The following ZNF418 variants were observed in gnomAD, a reference collection of about 807,000 sequenced individuals.
The protein encoded by ZNF418 is zinc finger protein 418.
ZNF418 carries 32 observed loss-of-function variants against 32.0 expected under a neutral mutation model. The observed-to-expected ratio is 1.00, with a 90% CI of 0.75 to 1.34. ZNF418 has a LOEUF of 1.34. ZNF418 is among the 40% of genes most tolerant of loss of function. The pLI is 0.00. For missense variants in ZNF418, 804 were observed against 812.5 expected, an observed-to-expected ratio of 0.99 and a Z score of 0.13; for synonymous variants, 276 against 270.7, an observed-to-expected ratio of 1.02 and a Z score of -0.19.
In ZNF418 at chr19:57,933,816, C is replaced by A; in HGVS notation, c.6+1G>T. The A allele has an allele frequency of 6.2e-7, 1 of 1,614,158 alleles. No individual in the cohort carries two copies. The highest frequency in any genetic ancestry group is 2.2e-5 in the East Asian group (1 of 44,882). ...CATTAATATGGTCCAGTAACCCTCA[C>A]CTGCATTATGGCAGGAGTTTAAACT... On this transcript the variant is annotated splice_donor_variant, in intron 2 of 5. Coordinates refer to ENST00000396147, the MANE Select transcript of ZNF418 (RefSeq NM_133460.3). LOFTEE classifies it high-confidence loss of function.
At position 57,926,554 on chromosome 19, in the gene ZNF418, A is replaced by G. The variant is rs1392034803; in HGVS notation, c.1627T>C (p.Cys543Arg). The change falls in exon 4 of 6, where the codon TGT (cysteine) becomes CGT (arginine). Residue 543 changes from cysteine (C) to arginine (R), a missense_variant. Coordinates refer to ENST00000396147, the MANE Select transcript of ZNF418 (RefSeq NM_133460.3). ...GAGCTCTGATGAAATGACTTTCCACATTCTCCACATTCATAAGGCCTTTCT... is the reference window on the plus strand; with the variant it reads ...GAGCTCTGATGAAATGACTTTCCACGTTCTCCACATTCATAAGGCCTTTCT... ...TGERPYECGECGKSFHQSSSL... is the reference protein window; with the variant it reads ...TGERPYECGERGKSFHQSSSL... 3 of 1,613,992 alleles carry G rather than the reference A, an allele frequency of 1.9e-6. No individual in the cohort carries two copies. Among genetic ancestry groups the G allele is most frequent in the Middle Eastern group, 1.7e-4 (1 of 6,058 alleles).
At position 57,927,165 on chromosome 19, in the gene ZNF418, T is replaced by C; in HGVS notation, c.1016A>G (p.Glu339Gly). ...LIKHQRVHTG[E>G]RPYECEECGK... ...ACATTCTTCACACTCATAAGGTCTT[T>C]CTCCAGTGTGAACTCGTTGATGTTT... The change falls in exon 4 of 6, where the codon GAA becomes GGA. Residue 339 changes from glutamate to glycine, a missense_variant. Coordinates refer to ENST00000396147, the MANE Select transcript of ZNF418 (RefSeq NM_133460.3). 3 of 1,614,166 alleles carry C rather than the reference T, an allele frequency of 1.9e-6. No individual in the cohort carries two copies. Among genetic ancestry groups the C allele is most frequent in the Non-Finnish European group, 2.5e-6 (3 of 1,180,026 alleles).
Position 57,933,929 on chromosome 19 carries a change from A to G in ZNF418, c.-80-27T>C. On this transcript the variant is annotated intron_variant, in intron 1 of 5. Transcript: ENST00000396147. ...TGCAGACAAATGGGACTGTGGTAACATCACCTCCTCGCCGCCCTCTTGCCT... is the reference window on the plus strand; with the variant it reads ...TGCAGACAAATGGGACTGTGGTAACGTCACCTCCTCGCCGCCCTCTTGCCT... 1.9e-6 allele frequency: 3 copies of G among 1,609,550 alleles called. No homozygotes were observed. The East Asian group carries it at 6.7e-5, about 36-fold the overall frequency.
At chr19:57,925,460 C>CAA (rs34948790) in intron 4 of ZNF418, among the ~76,000 whole-genome samples, 163 bp downstream of exon 4, 4 of 118,188 alleles carry the variant, frequency 3.4e-5, no homozygotes, top group East Asian at 2.5e-4. Context: ...GACTCTGTCT[C>CAA]AAAAAAAAAA....
rs112409249 is a variant in ZNF418, at chr19:57,930,755, A to G, written c.7-201T>C. ...GCCATCAGCAATTAAGAAGTAGGGG[A>G]AAAATAGGGATCTATGCTGTGCTTG... On this transcript the variant is annotated intron_variant, in intron 2 of 5. Transcript: ENST00000396147. Among the ~76,000 whole-genome samples the G allele has an allele frequency of 1.9e-3, 294 of 152,112 alleles. 1 individual carries two copies. Among genetic ancestry groups the G allele is most frequent in the African/African-American group, 6.7e-3 (276 of 41,500 alleles).
chr19:57,927,434 CTGA>C lies in ZNF418; in HGVS notation c.744_746del (p.His248del). 1 of 1,614,244 alleles carries C rather than the reference CTGA, an allele frequency of 6.2e-7. No individual in the cohort carries two copies. The highest frequency in any genetic ancestry group is 1.1e-5 in the South Asian group (1 of 91,088). On this transcript the variant is annotated inframe_deletion, in exon 4 of 6. Coordinates refer to ENST00000396147, the MANE Select transcript of ZNF418 (RefSeq NM_133460.3). ...AAGGTCTTTTCCCAGTGTGAACTCT[CTGA>C]TGATTACTGACGCTATCATATTTGC...
chr19:57,930,525 C>G lies in ZNF418; in HGVS notation c.36G>C (p.Val12=). The G allele has an allele frequency of 6.2e-7, 1 of 1,614,078 alleles. No homozygotes were observed. Among genetic ancestry groups the G allele is most frequent in the Non-Finnish European group, 8.5e-7 (1 of 1,180,020 alleles). ...QGTVAFEDVA[V]NFSQEEWSLL... The stretch of plus-strand genomic sequence containing the variant: ...GACTCCACTCCTCCTGGGAAAAGTT[C>G]ACAGCCACATCTTCAAATGCCACAG... The change falls in exon 3 of 6, where the codon GTG becomes GTC. Residue 12 remains valine (V), a synonymous_variant. Transcript: ENST00000396147.
chr19:57,932,404 CA>C (rs1421970808), intron 2 of ZNF418: 1 of 1,532,526 alleles, frequency 6.5e-7, no homozygotes, highest in Non-Finnish European at 8.7e-7. Context: ...GTATGCTTGG[CA>C]AATTCAAACA....
chr19:57,932,335 A>G, intron 2 of ZNF418: 3 of 1,141,494 alleles, frequency 2.6e-6, no homozygotes, highest in Non-Finnish European at 3.8e-6. Flanking sequence ...CCAACGTTGC[A>G]CATCACATTG....
At chr19:57,935,103 G>A in intron 1 of ZNF418, 58 bp downstream of exon 1, 2 of 1,276,568 alleles carry the variant, frequency 1.6e-6, no homozygotes, top group Non-Finnish European at 2.0e-6. Context: ...CCGCTCTCTC[G>A]CTGCTTCAGG....
Position 57,935,363 on chromosome 19 carries a change from T to G in ZNF418, c.-283A>C. The G allele has an allele frequency of 5.5e-6, 2 of 365,138 alleles. No individual in the cohort carries two copies. Among genetic ancestry groups the G allele is most frequent in the Non-Finnish European group, 8.0e-6 (2 of 249,764 alleles). 22.6% of individuals were successfully genotyped at this position (365,138 alleles called of 1,614,324 possible). A position where few individuals can be genotyped will look rare whatever the true frequency, so the allele number is the denominator to read the frequency against. ...ACAAACCGCAGAAACACACCCAACA[T>G]TAACCAAAATGGTCGCTACCAGAGA... is the stretch of plus-strand genomic sequence containing the variant. On this transcript the variant is annotated 5_prime_UTR_variant, in exon 1 of 6. An upstream start codon of the reference 5' UTR is lost. Transcript: ENST00000396147.
At position 57,926,244 on chromosome 19, in the gene ZNF418, G is replaced by C. The variant is rs1385633832; in HGVS notation, c.1937C>G (p.Pro646Arg). 1.2e-6 allele frequency: 2 copies of C among 1,613,788 alleles called. No individual in the cohort carries two copies. Among genetic ancestry groups the C allele is most frequent in the Non-Finnish European group, 1.7e-6 (2 of 1,179,916 alleles). The part of the protein sequence containing the change: ...EHRRVHTGER[P>R]YECSECGKSF... ...TTTTCCACATTCACTGCACTCATAA[G>C]GCCTTTCTCCAGTGTGTACTCTCCT... The change falls in exon 4 of 6, where the codon CCT (proline) becomes CGT (arginine). Residue 646 changes from proline (P) to arginine (R), a missense_variant. Physicochemically the swap from Pro to Arg is moderately radical, Grantham distance 103. Around this residue, in one of 3 missense-constraint regions of ZNF418, gnomAD observed 475 missense variants for 458.6 expected, o/e 1.04. Transcript: ENST00000396147.
chr19:57,930,689 G>A, intron 2 of ZNF418, 135 bp from the exon 3 acceptor site: 1 of 1,338,622 alleles, frequency 7.5e-7, no homozygotes, highest in South Asian at 1.4e-5. Flanking sequence ...TAGTCCACTG[G>A]TGCCTTTGTC....
chr19:57,927,156 T>A lies in ZNF418; in HGVS notation c.1025A>T (p.Tyr342Phe). The change falls in exon 4 of 6, where the codon TAT becomes TTT. Residue 342 changes from tyrosine (Y) to phenylalanine (F), a missense_variant. Around this residue, in one of 3 missense-constraint regions of ZNF418, gnomAD observed 475 missense variants for 458.6 expected, o/e 1.04. Coordinates refer to ENST00000396147, the MANE Select transcript of ZNF418 (RefSeq NM_133460.3). ...HQRVHTGERP[Y>F]ECEECGKCFT... is the part of the protein sequence containing the mutation. ...ACATTTCCCACATTCTTCACACTCA[T>A]AAGGTCTTTCTCCAGTGTGAACTCG... The A allele has an allele frequency of 6.2e-7, 1 of 1,614,150 alleles. No individual in the cohort carries two copies. Among genetic ancestry groups the A allele is most frequent in the Non-Finnish European group, 8.5e-7 (1 of 1,180,014 alleles).
chr19:57,935,295 AGACACCGCGGTTCG>A lies in ZNF418; in HGVS notation c.-229_-216del. 9.6e-7 allele frequency: 1 copy of A among 1,037,674 alleles called. No homozygotes were observed. Among genetic ancestry groups the A allele is most frequent in the Non-Finnish European group, 1.2e-6 (1 of 845,464 alleles). The allele number at this position is 1,037,674 out of a possible 1,614,324, so 64.3% of individuals were successfully genotyped here. A position where few individuals can be genotyped will look rare whatever the true frequency, so the allele number is the denominator to read the frequency against. ...GAAGGACTCTTCACCTTCTGGGTTC[AGACACCGCGGTTCG>A]GACCCATAGCTCCAGCGCCTCTCAC... On this transcript the variant is annotated 5_prime_UTR_variant, in exon 1 of 6. It removes the in-frame stop codon of an upstream open reading frame in the 5' UTR. Transcript: ENST00000396147.
At position 57,922,587 on chromosome 19, in the gene ZNF418, T is replaced by C. The variant is rs2072033676; in HGVS notation, c.*668A>G. The stretch of plus-strand genomic sequence containing the variant: ...AGGCAAATGCATACAGTTTACCAAA[T>C]ATGAAAAGGTGAGGTGGGCAAAGGG... On this transcript the variant is annotated 3_prime_UTR_variant, in exon 6 of 6. Transcript: ENST00000396147. The C allele has an allele frequency of 2.5e-6, 1 of 398,522 alleles. No homozygotes were observed. Among genetic ancestry groups the C allele is most frequent in the Non-Finnish European group, 4.4e-6 (1 of 226,050 alleles). The allele number at this position is 398,522 out of a possible 1,614,324, so 24.7% of individuals were successfully genotyped here.
intron 4 of ZNF418, among the ~76,000 whole-genome samples, chr19:57,925,330 G>A (rs1309423230): frequency 1.3e-5 from 2 of 151,818 alleles, no homozygotes; most frequent in African/African-American, 2.4e-5. Context: ...GCATGGTGGT[G>A]GGCACCTGTA....
intron 5 of ZNF418, among the ~76,000 whole-genome samples, chr19:57,922,894 G>A (rs1380397469): frequency 1.3e-5 from 2 of 151,816 alleles, no homozygotes; most frequent in African/African-American, 4.8e-5. Flanking sequence ...TAGCAACTTG[G>A]GAGGCTGAGG....
chr19:57,926,378 A>C lies in ZNF418; in HGVS notation c.1803T>G (p.Thr601=). The C allele has an allele frequency of 6.2e-7, 1 of 1,612,812 alleles. No homozygotes were observed. Among genetic ancestry groups the C allele is most frequent in the African/African-American group, 1.3e-5 (1 of 74,992 alleles). ...YECRECGKTF[T]RRSAHFKHQR... is the part of the protein sequence containing the mutation. ...GATGTTTAAAATGCGCAGACCTTCG[A>C]GTAAATGTTTTTCCACATTCCCTGC... The change falls in exon 4 of 6, where the codon ACT becomes ACG. Residue 601 remains threonine (T), a synonymous_variant. Transcript: ENST00000396147.
Sources: gnomAD v4.1 joint callset for allele counts (sites outside exome capture counted in the v4.1 genomes callset) on GRCh38, gnomAD v4.1.1 for gene constraint, gnomAD v4.1.1 regional missense constraint, MANE v1.5 for transcripts, NCBI Gene and HGNC (gene_info 2026-07-23, HGNC 2026-07-21) for gene names.